PLXDC2: variants seen among roughly 807,000 people sequenced by gnomAD.
PLXDC2 encodes the protein plexin domain-containing protein 2.
A neutral mutation model predicts 68.9 loss-of-function variants in PLXDC2; 40 were observed. The ratio of observed to expected loss-of-function variants is 0.58; its 90% CI spans 0.45 to 0.76. The LOEUF is 0.76. Among genes scored for constraint, PLXDC2 ranks in the 30% least tolerant of loss-of-function variants. The pLI, the probability that PLXDC2 is intolerant of heterozygous loss-of-function variation, is 0.00. For synonymous variants in PLXDC2, 243 were observed against 234.2 expected (o/e 1.04, Z -0.34); for missense variants, 644 against 661.9 (o/e 0.97, Z 0.30).
intron 11 of PLXDC2, among the ~76,000 whole-genome samples, chr10:20,218,854 T>C (rs1450445386): frequency 6.6e-6 from 1 of 152,180 alleles, no homozygotes; most frequent in East Asian, 1.9e-4. Flanking sequence ...GTTACCAAAA[T>C]CTTGACATTA....
At chr10:20,112,338 G>GAAA (rs5783718) in intron 4 of PLXDC2, among the ~76,000 whole-genome samples, 10 of 131,432 alleles carry the variant, frequency 7.6e-5, no homozygotes, top group Non-Finnish European at 1.3e-4. Flanking sequence ...ATAGGAAAAT[G>GAAA]AAAAAAAAAA....
chr10:20,166,126 T>C (rs1387636330), intron 7 of PLXDC2, among the ~76,000 whole-genome samples: 1 of 152,144 alleles, frequency 6.6e-6, no homozygotes, highest in Non-Finnish European at 1.5e-5. Flanking sequence ...CTTGAGGTGA[T>C]TATACTTAAT....
rs1234072456 is a variant in PLXDC2 at position 20,282,968 on chromosome 10, T to C, written c.*3149T>C. 6.6e-6 allele frequency: 1 copy of C among 152,226 alleles called. No homozygotes were observed. The highest frequency in any genetic ancestry group is 1.5e-5 in the Non-Finnish European group (1 of 68,030). 9.4% of individuals were successfully genotyped at this position (152,226 alleles called of 1,614,324 possible). A position where few individuals can be genotyped will look rare whatever the true frequency, so the allele number is the denominator to read the frequency against. ...ATTAATTAAAATTAAATTAAAAATG[T>C]AATTCTTCAGTCACACCAGCCACAT... On this transcript the variant is annotated 3_prime_UTR_variant, in exon 14 of 14. Transcript: ENST00000377252.
intron 9 of PLXDC2, among the ~76,000 whole-genome samples, chr10:20,183,239 A>G (rs1834631887): frequency 1.3e-5 from 2 of 151,980 alleles, no homozygotes; most frequent in Admixed American, 6.6e-5. Context: ...CAGATTGTAG[A>G]ATCATTATCA....
At chr10:20,177,687 T>C (rs984220831) in intron 9 of PLXDC2, among the ~76,000 whole-genome samples, 1 of 152,006 alleles carries the variant, frequency 6.6e-6, no homozygotes, top group African/African-American at 2.4e-5. Flanking sequence ...GGAGGATCAC[T>C]TGAGCCTAGG....
chr10:19,890,089 A>G (rs1271371011), intron 1 of PLXDC2, among the ~76,000 whole-genome samples: 1 of 152,108 alleles, frequency 6.6e-6, no homozygotes, highest in South Asian at 2.1e-4. Flanking sequence ...GCTCTGTGAC[A>G]AATTTGATAG....
Position 19,988,319 on chromosome 10 carries a change from C to T in PLXDC2, c.113-13456C>T, listed in dbSNP as rs375899830. On this transcript the variant is annotated intron_variant, in intron 1 of 13. Transcript: ENST00000377252. ...GAACCTCTTTTGGGTTAACTGACAA[C>T]TTCCTACTATTTTTTTGTGCTATAG... is the stretch of plus-strand genomic sequence containing the variant. 9.2e-5 allele frequency among the ~76,000 whole-genome samples: 14 copies of T among 152,284 alleles called. No homozygotes were observed. The East Asian group carries it at 2.5e-3, about 27-fold the overall frequency.
At chr10:19,921,379 G>A (rs1260431963) in intron 1 of PLXDC2, among the ~76,000 whole-genome samples, 1 of 152,080 alleles carries the variant, frequency 6.6e-6, no homozygotes, top group East Asian at 1.9e-4. Context: ...GTTTCAGAGG[G>A]ACAGTTTCAT....
chr10:20,182,071 T>TTGTGTGTGTGTGTGTG lies in PLXDC2; in HGVS notation c.1061+4677_1061+4692dup, dbSNP rs111252782. Among the ~76,000 whole-genome samples, 677 of 146,552 alleles carry TTGTGTGTGTGTGTGTG rather than the reference T, an allele frequency of 4.6e-3. 9 individuals are homozygous for TTGTGTGTGTGTGTGTG. Among genetic ancestry groups the TTGTGTGTGTGTGTGTG allele is most frequent in the East Asian group, 0.044 (213 of 4,874 alleles). Reference sequence around the variant, plus strand: ...GGTGTTTGGGAAGGAAACCGGTTATTTGTGTGTGTGTGTGTGTGTGTGTGT... The same window carrying TTGTGTGTGTGTGTGTG: ...GGTGTTTGGGAAGGAAACCGGTTATTTGTGTGTGTGTGTGTGTGTGTGTGTGTGTGTGTGTGTGTGT... On this transcript the variant is annotated intron_variant, in intron 9 of 13. Coordinates refer to ENST00000377252, the MANE Select transcript of PLXDC2 (RefSeq NM_032812.9).
intron 2 of PLXDC2, among the ~76,000 whole-genome samples, chr10:20,045,766 A>G (rs1207748011): frequency 6.6e-6 from 1 of 152,198 alleles, no homozygotes; most frequent in Non-Finnish European, 1.5e-5. Flanking sequence ...TATTCAAATC[A>G]TAGACCTATT....
chr10:20,162,801 C>T (rs1473807651), intron 6 of PLXDC2, among the ~76,000 whole-genome samples: 5 of 151,712 alleles, frequency 3.3e-5, no homozygotes, highest in African/African-American at 1.2e-4. Flanking sequence ...CAGTAGCTCA[C>T]GCCTGCAATC....
intron 4 of PLXDC2, among the ~76,000 whole-genome samples, chr10:20,093,963 A>C (rs1303417591): frequency 6.6e-6 from 1 of 152,222 alleles, no homozygotes; most frequent in African/African-American, 2.4e-5. Context: ...ATGAGCCACC[A>C]TGCCTGGCCA....
intron 1 of PLXDC2, among the ~76,000 whole-genome samples, chr10:19,986,522 A>C (rs1834641869): frequency 6.6e-6 from 1 of 151,190 alleles, no homozygotes; most frequent in Admixed American, 6.6e-5. Flanking sequence ...ATAGCACTGA[A>C]AGATGTTGAT....
intron 4 of PLXDC2, among the ~76,000 whole-genome samples, chr10:20,104,322 A>C (rs1833461488): frequency 6.6e-6 from 1 of 152,200 alleles, no homozygotes; most frequent in African/African-American, 2.4e-5. Context: ...AATGTTTTAC[A>C]CTGAAGTTTT....
At chr10:19,968,202 C>T (rs1029521235) in intron 1 of PLXDC2, among the ~76,000 whole-genome samples, 1 of 152,164 alleles carries the variant, frequency 6.6e-6, no homozygotes, top group African/African-American at 2.4e-5. Flanking sequence ...TGCTCTGAGA[C>T]AGTGAACCCT....
intron 10 of PLXDC2, among the ~76,000 whole-genome samples, chr10:20,214,062 A>G (rs2131860053): frequency 6.6e-6 from 1 of 152,250 alleles, no homozygotes; most frequent in Non-Finnish European, 1.5e-5. Flanking sequence ...AGAAATTCCA[A>G]CAAACATTTT....
chr10:20,206,787 C>G (rs921366899), intron 9 of PLXDC2, among the ~76,000 whole-genome samples: 2 of 151,490 alleles, frequency 1.3e-5, no homozygotes, highest in African/African-American at 4.8e-5. Flanking sequence ...TGTGAATCAC[C>G]GTTAAAAATG....
intron 1 of PLXDC2, among the ~76,000 whole-genome samples, chr10:19,853,148 G>T (rs150013101): frequency 1.4e-4 from 21 of 152,294 alleles, no homozygotes; most frequent in African/African-American, 4.3e-4. Context: ...AAGGGACAAG[G>T]TATCTAATGT....
At chr10:19,864,776 A>C (rs1837382786) in intron 1 of PLXDC2, among the ~76,000 whole-genome samples, 1 of 152,212 alleles carries the variant, frequency 6.6e-6, no homozygotes, top group Admixed American at 6.5e-5. Flanking sequence ...GCAAACAAGT[A>C]AAGAGACTTT....
Sources: allele counts gnomAD v4.1 joint callset (sites outside exome capture counted in the v4.1 genomes callset), GRCh38; gene constraint gnomAD v4.1.1; transcripts MANE v1.5; gene names NCBI Gene and HGNC (gene_info 2026-07-23, HGNC 2026-07-21).